The following BMERB1 variants were observed in gnomAD, a reference collection of about 807,000 sequenced individuals.
BMERB1 encodes the protein bMERB domain containing 1, also known as bMERB domain-containing protein 1.
BMERB1 carries 12 observed loss-of-function variants against 23.6 expected under a neutral mutation model. That is an observed-to-expected ratio of 0.51 (90% CI 0.33 to 0.82). BMERB1 has a LOEUF of 0.82. BMERB1 is among the 40% of genes least tolerant of loss of function. The probability of loss-of-function intolerance (pLI) is 0.03; values close to 1 mark genes in which losing one functional copy is unlikely to be tolerated. For synonymous variants in BMERB1, 122 were observed against 96.6 expected (o/e 1.26, Z -1.54); for missense variants, 247 against 255.4 (o/e 0.97, Z 0.22).
chr16:15,517,946 T>G (rs1026195980), intron 2 of BMERB1, among the ~76,000 whole-genome samples: 3 of 150,072 alleles, frequency 2.0e-5, no homozygotes, highest in African/African-American at 7.4e-5. Flanking sequence ...CATGTGTGGG[T>G]GTGTGTGTGG....
intron 2 of BMERB1, among the ~76,000 whole-genome samples, chr16:15,531,912 A>G (rs2051971478): frequency 1.3e-5 from 2 of 152,208 alleles, no homozygotes; most frequent in South Asian, 2.1e-4. Context: ...GTTCTAGGAC[A>G]GGATGCCCAA....
At chr16:15,551,848 G>C (rs1372405290) in intron 2 of BMERB1, among the ~76,000 whole-genome samples, 1 of 152,200 alleles carries the variant, frequency 6.6e-6, no homozygotes, top group African/African-American at 2.4e-5. Context: ...AAGAGAAAAT[G>C]AGTGTAGGAA....
chr16:15,570,888 A>G (rs571033529), intron 3 of BMERB1, among the ~76,000 whole-genome samples: 3 of 152,120 alleles, frequency 2.0e-5, no homozygotes, highest in Admixed American at 6.5e-5. Context: ...GTAAACTGTC[A>G]TGGCACTGAT....
At chr16:15,440,643 T>C (rs924394773) in intron 1 of BMERB1, among the ~76,000 whole-genome samples, 7 of 152,156 alleles carry the variant, frequency 4.6e-5, no homozygotes, top group Non-Finnish European at 1.0e-4. Flanking sequence ...ATCTGAAATA[T>C]GAAAATAAAA....
At chr16:15,474,853 A>G (rs149480103) in intron 1 of BMERB1, among the ~76,000 whole-genome samples, 44 of 151,692 alleles carry the variant, frequency 2.9e-4, no homozygotes, top group Middle Eastern at 6.8e-3. Flanking sequence ...ACGTCCAGCT[A>G]ATTTTTGGGT....
At chr16:15,539,854 A>AC (rs2052061712) in intron 2 of BMERB1, among the ~76,000 whole-genome samples, 1 of 151,724 alleles carries the variant, frequency 6.6e-6, no homozygotes, top group African/African-American at 2.4e-5. Flanking sequence ...AAAAAAAAAA[A>AC]GAAAAAGAAA....
chr16:15,495,444 C>T (rs919700498), intron 1 of BMERB1, among the ~76,000 whole-genome samples: 1 of 151,966 alleles, frequency 6.6e-6, no homozygotes, highest in Non-Finnish European at 1.5e-5. Flanking sequence ...TGGCTCACTA[C>T]AAGCTCCGCC....
chr16:15,581,730 C>T (rs1428705266), intron 4 of BMERB1, among the ~76,000 whole-genome samples: 3 of 152,202 alleles, frequency 2.0e-5, no homozygotes, highest in Non-Finnish European at 4.4e-5. Context: ...CAGCTTTGTT[C>T]TCCCCTTTCC....
intron 1 of BMERB1, among the ~76,000 whole-genome samples, chr16:15,448,753 C>T (rs537685689): frequency 1.2e-4 from 19 of 152,304 alleles, no homozygotes; most frequent in South Asian, 4.1e-4. Context: ...CATCGCACTA[C>T]TGCATTCAAG....
At chr16:15,500,263 G>A (rs141171090) in intron 1 of BMERB1, among the ~76,000 whole-genome samples, 149 of 152,232 alleles carry the variant, frequency 9.8e-4, no homozygotes, top group South Asian at 1.9e-3. Flanking sequence ...AGGATTTAGG[G>A]GGCAGCCGAC....
At chr16:15,532,646 C>T (rs913851473) in intron 2 of BMERB1, among the ~76,000 whole-genome samples, 4 of 149,346 alleles carry the variant, frequency 2.7e-5, no homozygotes, top group Admixed American at 6.7e-5. Flanking sequence ...CCCAGGTTCA[C>T]GCCATTCGCC....
rs2031158558 is a variant in BMERB1 at position 15,586,839 on chromosome 16, G to A, written c.*10G>A. The A allele has an allele frequency of 6.4e-7, 1 of 1,570,444 alleles. No individual in the cohort carries two copies. On this transcript the variant is annotated 3_prime_UTR_variant, in exon 6 of 6. Transcript: ENST00000300006. ...GTGCAACATCATGTAGCCCCCACGT[G>A]GGGTGCCCTGGGCCATGGGGACCCC...
intron 1 of BMERB1, among the ~76,000 whole-genome samples, chr16:15,489,502 A>G (rs2051398953): frequency 6.6e-6 from 1 of 152,074 alleles, no homozygotes; most frequent in African/African-American, 2.4e-5. Flanking sequence ...CCAGTCCCAC[A>G]TCGAGGTTTA....
chr16:15,445,001 C>G (rs1258536595), intron 1 of BMERB1, among the ~76,000 whole-genome samples: 5 of 152,130 alleles, frequency 3.3e-5, no homozygotes, highest in African/African-American at 7.2e-5. Flanking sequence ...CCTAGGCCTC[C>G]CGCCTAGGCC....
chr16:15,437,392 C>T (rs1468283731), intron 1 of BMERB1, among the ~76,000 whole-genome samples: 2 of 152,272 alleles, frequency 1.3e-5, no homozygotes, highest in South Asian at 2.1e-4. Context: ...TAAGATGATA[C>T]ATATAGTACT....
chr16:15,445,716 T>C (rs557599433), intron 1 of BMERB1, among the ~76,000 whole-genome samples: 5 of 152,164 alleles, frequency 3.3e-5, no homozygotes, highest in Non-Finnish European at 7.3e-5. Flanking sequence ...AATGGCTTGG[T>C]CATTTCTTAA....
At chr16:15,573,375 A>G (rs965551129) in intron 3 of BMERB1, among the ~76,000 whole-genome samples, 2 of 152,176 alleles carry the variant, frequency 1.3e-5, no homozygotes, top group Non-Finnish European at 2.9e-5. Context: ...ATTATTCCTC[A>G]AATCAGTGCC....
intron 3 of BMERB1, among the ~76,000 whole-genome samples, chr16:15,570,653 A>G (rs1430732904): frequency 6.6e-6 from 1 of 152,180 alleles, no homozygotes; most frequent in Non-Finnish European, 1.5e-5. Context: ...AGTGAAAGCA[A>G]GTTTATTAAG....
At chr16:15,500,649 G>A (rs1419061004) in intron 1 of BMERB1, among the ~76,000 whole-genome samples, 1 of 152,154 alleles carries the variant, frequency 6.6e-6, no homozygotes, top group African/African-American at 2.4e-5. Context: ...ATTGAGATCT[G>A]TTCTTCCTTT....
Sources: allele counts gnomAD v4.1 joint callset (sites outside exome capture counted in the v4.1 genomes callset), GRCh38; gene constraint gnomAD v4.1.1; transcripts MANE v1.5; gene names NCBI Gene and HGNC (gene_info 2026-07-23, HGNC 2026-07-21).